Variants in SLC8A1 observed in about 807,000 individuals in gnomAD.
SLC8A1 encodes the protein solute carrier family 8 member A1, also known as sodium/calcium exchanger 1.
In SLC8A1, 18 loss-of-function variants were observed where a neutral mutation model predicts 68.3. The observed-to-expected ratio is 0.26, with a 90% CI of 0.18 to 0.39. The LOEUF (loss-of-function observed/expected upper bound fraction) is 0.39. Among genes scored for constraint, SLC8A1 ranks in the 10% least tolerant of loss-of-function variants. The pLI is 1.00. For synonymous variants in SLC8A1, 475 were observed against 415.5 expected (o/e 1.14, Z -1.74); for missense variants, 985 against 1,156.7 (o/e 0.85, Z 2.15).
At chr2:40,291,964 AG>A (rs1425398947) in intron 2 of SLC8A1, among the ~76,000 whole-genome samples, 2 of 151,852 alleles carry the variant, frequency 1.3e-5, no homozygotes, top group African/African-American at 4.8e-5. Context: ...AACCATTAAA[AG>A]CACCTTTATA....
chr2:40,335,684 G>A (rs1043053824), intron 2 of SLC8A1, among the ~76,000 whole-genome samples: 4 of 152,234 alleles, frequency 2.6e-5, no homozygotes, highest in African/African-American at 9.6e-5. Context: ...GCCAGTCTAG[G>A]AACAGCCCTT....
At chr2:40,505,852 G>T (rs1454137592) in intron 1 of SLC8A1, among the ~76,000 whole-genome samples, 1 of 151,986 alleles carries the variant, frequency 6.6e-6, no homozygotes, top group Non-Finnish European at 1.5e-5. Flanking sequence ...TGTCCCAGAT[G>T]TTAAAACCAT....
intron 2 of SLC8A1, among the ~76,000 whole-genome samples, chr2:40,183,250 G>C (rs2049982383): frequency 6.6e-6 from 1 of 152,136 alleles, no homozygotes; most frequent in Non-Finnish European, 1.5e-5. Context: ...TTAGCCACTA[G>C]GTCCCTTATT....
At chr2:40,252,913 GTATATA>G (rs1174177726) in intron 2 of SLC8A1, among the ~76,000 whole-genome samples, 22 of 130,426 alleles carry the variant, frequency 1.7e-4, no homozygotes, top group Non-Finnish European at 2.7e-4. Flanking sequence ...ATGTATATGT[GTATATA>G]TACATACATG....
chr2:40,243,857 C>T (rs772520401), intron 2 of SLC8A1, among the ~76,000 whole-genome samples: 19 of 152,142 alleles, frequency 1.2e-4, no homozygotes, highest in Non-Finnish European at 1.8e-4. Context: ...GCCTCCTTCC[C>T]TCTGATGAGT....
At chr2:40,299,716 T>C (rs558702480) in intron 2 of SLC8A1, among the ~76,000 whole-genome samples, 26 of 152,314 alleles carry the variant, frequency 1.7e-4, no homozygotes, top group African/African-American at 5.5e-4. Context: ...CATCTGCCTC[T>C]GCCCAAATAG....
intron 2 of SLC8A1, among the ~76,000 whole-genome samples, chr2:40,252,889 CA>C (rs1238367525): frequency 2.7e-5 from 2 of 74,884 alleles, no homozygotes; most frequent in Non-Finnish European, 5.3e-5. Context: ...TATTTTGAGC[CA>C]AATTTTATAT....
rs139249710 is a variant in SLC8A1, at chr2:40,307,580, G to T, written c.1808+120893C>A. Among the ~76,000 whole-genome samples, 1,012 of 152,226 alleles carry T rather than the reference G, an allele frequency of 6.6e-3. 11 individuals are homozygous for T. The highest frequency in any genetic ancestry group is 0.021 in the African/African-American group (892 of 41,528). The stretch of plus-strand genomic sequence containing the variant: ...AAAGATATAAATAATTCAGCGAAAG[G>T]AAACAAAAGCCTCAAAATAACATCC... On this transcript the variant is annotated intron_variant, in intron 2 of 7. Transcript: ENST00000406785.
At chr2:40,420,302 T>C (rs1327370985) in intron 2 of SLC8A1, among the ~76,000 whole-genome samples, 2 of 151,568 alleles carry the variant, frequency 1.3e-5, no homozygotes, top group Admixed American at 6.6e-5. Context: ...CACAAGGTAA[T>C]AGCATCCCCT....
chr2:40,278,631 G>C (rs1272540176), intron 2 of SLC8A1, among the ~76,000 whole-genome samples: 1 of 152,166 alleles, frequency 6.6e-6, no homozygotes. Context: ...CAGTGTGAGA[G>C]AGTAAGTGCT....
intron 2 of SLC8A1, among the ~76,000 whole-genome samples, chr2:40,322,729 A>G (rs1393447890): frequency 1.3e-5 from 2 of 151,844 alleles, no homozygotes; most frequent in East Asian, 3.9e-4. Flanking sequence ...ACAAGTATCT[A>G]TAAAACCAAG....
At chr2:40,295,501 T>C (rs1298181347) in intron 2 of SLC8A1, among the ~76,000 whole-genome samples, 1 of 152,202 alleles carries the variant, frequency 6.6e-6, no homozygotes, top group Non-Finnish European at 1.5e-5. Flanking sequence ...TCCTTCTAAA[T>C]ATCTATCTAT....
chr2:40,295,270 T>A (rs1471455534), intron 2 of SLC8A1, among the ~76,000 whole-genome samples: 1 of 151,862 alleles, frequency 6.6e-6, no homozygotes, highest in Admixed American at 6.6e-5. Flanking sequence ...CAGCTAATTT[T>A]AAAAAATTAT....
At chr2:40,405,406 T>A (rs1356125839) in intron 2 of SLC8A1, among the ~76,000 whole-genome samples, 1 of 152,220 alleles carries the variant, frequency 6.6e-6, no homozygotes, top group Non-Finnish European at 1.5e-5. Flanking sequence ...AGTGCATGAA[T>A]GTTTCCATAC....
At chr2:40,174,749 A>AT (rs767236261) in intron 4 of SLC8A1, 29 bp from the exon 6 acceptor site, 23 of 1,570,046 alleles carry the variant, frequency 1.5e-5, no homozygotes, top group South Asian at 5.7e-5. Flanking sequence ...AAAATGAGAA[A>AT]TTTTTTTTAA....
intron 2 of SLC8A1, among the ~76,000 whole-genome samples, chr2:40,240,471 G>A (rs1416662453): frequency 1.3e-5 from 2 of 152,148 alleles, no homozygotes; most frequent in Non-Finnish European, 2.9e-5. Flanking sequence ...TGGTTAAGAG[G>A]AGTTTTTGAA....
At chr2:40,150,879 C>T (rs1259136622) in intron 6 of SLC8A1, among the ~76,000 whole-genome samples, 1 of 152,120 alleles carries the variant, frequency 6.6e-6, no homozygotes, top group Non-Finnish European at 1.5e-5. Flanking sequence ...CTACCTGATT[C>T]AACATTTTCT....
intron 7 of SLC8A1, among the ~76,000 whole-genome samples, chr2:40,116,003 G>A (rs558472024): frequency 6.6e-6 from 1 of 152,200 alleles, no homozygotes; most frequent in Non-Finnish European, 1.5e-5. Flanking sequence ...AAGGTGCCAT[G>A]CGGCTGTGCT....
intron 1 of SLC8A1, among the ~76,000 whole-genome samples, chr2:40,466,357 G>A (rs1247262035): frequency 2.0e-5 from 3 of 152,094 alleles, no homozygotes; most frequent in Admixed American, 1.3e-4. Flanking sequence ...CGATATACCC[G>A]TCAGGAAGCT....
Sources: allele counts gnomAD v4.1 joint callset (sites outside exome capture counted in the v4.1 genomes callset), GRCh38; gene constraint gnomAD v4.1.1; transcripts MANE v1.5; gene names NCBI Gene and HGNC (gene_info 2026-07-23, HGNC 2026-07-21).